Variants in CSMD3 observed in about 807,000 individuals in gnomAD.
The protein encoded by CSMD3 is CUB and sushi domain-containing protein 3.
Under a neutral mutation model 435.2 loss-of-function variants are expected in CSMD3, and 177 were observed. The observed-to-expected ratio is 0.41, with a 90% confidence interval of 0.36 to 0.46. CSMD3 has a LOEUF of 0.46. Ranked by LOEUF, CSMD3 falls within the 20% of genes least tolerant of loss-of-function variation. The pLI, the probability that CSMD3 is intolerant of heterozygous loss-of-function variation, is 0.34. For missense variants in CSMD3, 4,265 were observed against 4,504.6 expected (o/e 0.95, Z 1.52); for synonymous variants, 1,656 against 1,520.5 (o/e 1.09, Z -2.07).
chr8:113,251,484 A>C (rs182584240), intron 3 of CSMD3, among the ~76,000 whole-genome samples: 1 of 152,140 alleles, frequency 6.6e-6, no homozygotes, highest in East Asian at 1.9e-4. Flanking sequence ...ATACTATTAA[A>C]GTTAATATCA....
chr8:112,386,560 C>T (rs903332365), intron 36 of CSMD3, among the ~76,000 whole-genome samples: 1 of 151,912 alleles, frequency 6.6e-6, no homozygotes, highest in Non-Finnish European at 1.5e-5. Context: ...TGCAGTGGCG[C>T]GATCTTAGCT....
chr8:112,649,635 C>T (rs906884176), intron 19 of CSMD3, among the ~76,000 whole-genome samples: 8 of 152,138 alleles, frequency 5.3e-5, no homozygotes, highest in African/African-American at 1.4e-4. Flanking sequence ...GACTTATTCT[C>T]ATAGAAACAA....
At chr8:112,787,130 T>C (rs909123987) in intron 13 of CSMD3, among the ~76,000 whole-genome samples, 5 of 152,156 alleles carry the variant, frequency 3.3e-5, no homozygotes, top group Non-Finnish European at 7.3e-5. Context: ...ATCCAGTCTA[T>C]CATTGATGGG....
chr8:112,745,467 C>T (rs1160361385), intron 13 of CSMD3, among the ~76,000 whole-genome samples: 1 of 151,802 alleles, frequency 6.6e-6, no homozygotes, highest in Non-Finnish European at 1.5e-5. Flanking sequence ...TCTTTTACTA[C>T]TGTACAATTT....
chr8:113,401,465 A>G (rs2133203924), intron 1 of CSMD3, among the ~76,000 whole-genome samples: 1 of 151,776 alleles, frequency 6.6e-6, no homozygotes, highest in South Asian at 2.1e-4. Flanking sequence ...GCTTTTAGGG[A>G]AAAAAGAGAT....
chr8:112,661,005 T>C (rs2075366935), intron 17 of CSMD3, among the ~76,000 whole-genome samples: 1 of 152,084 alleles, frequency 6.6e-6, no homozygotes, highest in Non-Finnish European at 1.5e-5. Context: ...GTAGGAAACA[T>C]TCCTCACCCA....
Position 112,911,449 on chromosome 8 carries a change from C to T in CSMD3, c.1633+10178G>A, listed in dbSNP as rs185973760. 1.3e-4 allele frequency among the ~76,000 whole-genome samples: 19 copies of T among 151,846 alleles called. No individual in the cohort carries two copies. In the East Asian group the frequency reaches 3.5e-3, roughly 28 times the overall value. ...ATGCCAAGCATGCAGTATATTATTACTAGTTATAGTCATCAGGCTCAACTT... is the reference window on the plus strand; with the variant it reads ...ATGCCAAGCATGCAGTATATTATTATTAGTTATAGTCATCAGGCTCAACTT... On this transcript the variant is annotated intron_variant, in intron 10 of 70. Transcript: ENST00000297405.
At chr8:113,323,087 G>A (rs1330715881) in intron 1 of CSMD3, among the ~76,000 whole-genome samples, 1 of 152,080 alleles carries the variant, frequency 6.6e-6, no homozygotes, top group East Asian at 1.9e-4. Flanking sequence ...GAGTGCTTTT[G>A]ACCATCTTAC....
At chr8:113,184,362 C>A (rs943783563) in intron 3 of CSMD3, among the ~76,000 whole-genome samples, 5 of 151,904 alleles carry the variant, frequency 3.3e-5, no homozygotes, top group Non-Finnish European at 7.4e-5. Flanking sequence ...AACCTTTAGA[C>A]CCTCTCCCCT....
At chr8:113,188,287 C>A (rs74903952) in intron 3 of CSMD3, among the ~76,000 whole-genome samples, 4 of 151,844 alleles carry the variant, frequency 2.6e-5, no homozygotes, top group Non-Finnish European at 5.9e-5. Context: ...ACTTTTAATG[C>A]GCATCTTTAA....
intron 13 of CSMD3, among the ~76,000 whole-genome samples, chr8:112,745,577 T>A (rs1388969387): frequency 6.6e-6 from 1 of 152,046 alleles, no homozygotes; most frequent in East Asian, 1.9e-4. Flanking sequence ...TAATAAACTT[T>A]TACTGAATAT....
chr8:113,272,211 C>T (rs1201978173), intron 3 of CSMD3, among the ~76,000 whole-genome samples: 21 of 151,998 alleles, frequency 1.4e-4, no homozygotes, highest in Admixed American at 1.4e-3. Context: ...TGAGTTAAGA[C>T]TTTGGGGGAT....
chr8:112,942,773 C>T (rs2083491153), intron 9 of CSMD3, among the ~76,000 whole-genome samples: 1 of 151,684 alleles, frequency 6.6e-6, no homozygotes, highest in African/African-American at 2.4e-5. Context: ...ATGCATATTA[C>T]CTGGGTGACA....
chr8:113,362,196 C>T (rs2094281867), intron 1 of CSMD3, among the ~76,000 whole-genome samples: 1 of 152,022 alleles, frequency 6.6e-6, no homozygotes, highest in Admixed American at 6.5e-5. Context: ...GTTAGAAATT[C>T]TGTTAGGTTT....
Position 112,449,709 on chromosome 8 carries a change from C to T in CSMD3, c.5395+22882G>A, listed in dbSNP as rs574887929. On this transcript the variant is annotated intron_variant, in intron 32 of 70. Transcript: ENST00000297405. ...AGATTAAATAATAGTGCTCGGTCAT[C>T]ATTGTTTTGTTCTAAAGTTCTAATA... 7.2e-4 allele frequency among the ~76,000 whole-genome samples: 109 copies of T among 152,284 alleles called. 1 individual carries two copies. The highest frequency in any genetic ancestry group is 2.5e-3 in the African/African-American group (104 of 41,558).
intron 3 of CSMD3, among the ~76,000 whole-genome samples, chr8:113,262,776 C>T (rs888110867): frequency 1.3e-5 from 2 of 151,948 alleles, no homozygotes; most frequent in Admixed American, 6.6e-5. Flanking sequence ...TAAACTCTAT[C>T]AGCAATCAGT....
chr8:113,119,278 C>T (rs558717245), intron 4 of CSMD3, among the ~76,000 whole-genome samples: 37 of 152,248 alleles, frequency 2.4e-4, no homozygotes, highest in Admixed American at 2.2e-3. Flanking sequence ...AGGCACTATT[C>T]TGAGCCTTTA....
At chr8:113,172,230 T>C (rs1323155567) in intron 4 of CSMD3, among the ~76,000 whole-genome samples, 2 of 152,198 alleles carry the variant, frequency 1.3e-5, no homozygotes, top group African/African-American at 2.4e-5. Context: ...GAACTCTTCA[T>C]AGTTCTTGAT....
At chr8:112,354,314 T>C (rs1280244514) in intron 38 of CSMD3, among the ~76,000 whole-genome samples, 1 of 152,142 alleles carries the variant, frequency 6.6e-6, no homozygotes, top group Non-Finnish European at 1.5e-5. Flanking sequence ...TCTCACCACT[T>C]GTACTCAACA....
Sources: allele counts gnomAD v4.1 joint callset (sites outside exome capture counted in the v4.1 genomes callset), GRCh38; gene constraint gnomAD v4.1.1; transcripts MANE v1.5; gene names NCBI Gene and HGNC (gene_info 2026-07-23, HGNC 2026-07-21).